The following TET1 variants were observed in gnomAD, a reference collection of about 807,000 sequenced individuals.
The protein encoded by TET1 is methylcytosine dioxygenase TET1.
In TET1, 13 loss-of-function variants were observed where a neutral mutation model predicts 148.7. The observed-to-expected ratio is 0.09, with a 90% CI of 0.06 to 0.14. The LOEUF (loss-of-function observed/expected upper bound fraction) is 0.14. Among genes scored for constraint, TET1 ranks in the 10% least tolerant of loss-of-function variants. TET1 has a pLI of 1.00. For missense variants in TET1, 2,182 were observed against 2,553.8 expected, an observed-to-expected ratio of 0.85 and a Z score of 3.14; for synonymous variants, 907 against 937.2, an observed-to-expected ratio of 0.97 and a Z score of 0.59.
intron 7 of TET1, among the ~76,000 whole-genome samples, chr10:68,669,560 T>C (rs369808154): frequency 6.7e-6 from 1 of 149,720 alleles, no homozygotes; most frequent in Admixed American, 6.8e-5. Context: ...TTCACCATGT[T>C]AGCCAGGATG....
chr10:68,597,030 A>ATTTTT lies in TET1; in HGVS notation c.1915-3934_1915-3930dup, dbSNP rs553591899. On this transcript the variant is annotated intron_variant, in intron 2 of 11. Transcript: ENST00000373644. ...ATTTTCATGATCACACAGCTAATGGATTTTTTTTTTTTTTTTTTTTTGAGA... is the reference window on the plus strand; with the variant it reads ...ATTTTCATGATCACACAGCTAATGGATTTTTTTTTTTTTTTTTTTTTTTTTTGAGA... 4.4e-4 allele frequency among the ~76,000 whole-genome samples: 44 copies of ATTTTT among 98,882 alleles called. 3 individuals carry two copies. The highest frequency in any genetic ancestry group is 1.0e-3 in the African/African-American group (23 of 22,576). 64.9% of individuals were successfully genotyped at this position (98,882 alleles called of 152,430 possible).
At chr10:68,675,500 C>A (rs959959566) in intron 8 of TET1, among the ~76,000 whole-genome samples, 1 of 151,780 alleles carries the variant, frequency 6.6e-6, no homozygotes, top group African/African-American at 2.4e-5. Context: ...AAATGGATAG[C>A]TCATTTTAAG....
intron 3 of TET1, among the ~76,000 whole-genome samples, chr10:68,612,476 C>T (rs1346312160): frequency 2.6e-5 from 4 of 152,114 alleles, no homozygotes; most frequent in Non-Finnish European, 4.4e-5. Flanking sequence ...GGAGAATCCA[C>T]TGATCCCCGG....
Position 68,685,850 on chromosome 10 carries a change from TA to T in TET1, c.5053-497del, listed in dbSNP as rs569967860. Among the ~76,000 whole-genome samples, 507 of 152,006 alleles carry T rather than the reference TA, an allele frequency of 3.3e-3. 7 individuals are homozygous for T. The highest frequency in any genetic ancestry group is 0.011 in the African/African-American group (452 of 41,510). On this transcript the variant is annotated intron_variant, in intron 10 of 11. Coordinates refer to ENST00000373644, the MANE Select transcript of TET1 (RefSeq NM_030625.3). ...AAGAGAATATTTATCAATATAAAAT[TA>T]AAAAAAAATTTTTTTTAACTGTTAG...
At chr10:68,580,075 C>T (rs1005668651) in intron 2 of TET1, among the ~76,000 whole-genome samples, 1 of 151,610 alleles carries the variant, frequency 6.6e-6, no homozygotes, top group African/African-American at 2.4e-5. Flanking sequence ...ATTACAGGTG[C>T]ACACCACCAC....
At chr10:68,567,063 C>G (rs979397397) in intron 1 of TET1, among the ~76,000 whole-genome samples, 2 of 152,112 alleles carry the variant, frequency 1.3e-5, no homozygotes, top group Admixed American at 6.6e-5. Context: ...GAACTGAAAA[C>G]TGAACCCAGG....
At chr10:68,665,208 G>A (rs534060557) in intron 6 of TET1, among the ~76,000 whole-genome samples, 50 of 152,090 alleles carry the variant, frequency 3.3e-4, no homozygotes, top group African/African-American at 1.2e-3. Context: ...TATAATTCAA[G>A]TTGATCAATG....
intron 7 of TET1, among the ~76,000 whole-genome samples, chr10:68,669,150 A>C (rs1294473450): frequency 6.6e-6 from 1 of 152,094 alleles, no homozygotes; most frequent in Non-Finnish European, 1.5e-5. Flanking sequence ...AAAGCTGAGG[A>C]GGGAGGATGG....
At chr10:68,595,612 C>CTTGTTTTTTTTTTTTTTTTTTT (rs1554932701) in intron 2 of TET1, among the ~76,000 whole-genome samples, 1 of 76,516 alleles carries the variant, frequency 1.3e-5, no homozygotes, top group Non-Finnish European at 2.5e-5. Context: ...CACACAGCTT[C>CTTGTTTTTTTTTTTTTTTTTTT]TTTTTTTTTT....
In TET1 at chr10:68,692,428, T is replaced by G. The variant is rs1476597051; in HGVS notation, c.*614T>G. ...CTGTTCATAAATTGTAAATATATAT[T>G]TTAAAAGCACTTTCTATTTTTAAAA... is the stretch of plus-strand genomic sequence containing the variant. On this transcript the variant is annotated 3_prime_UTR_variant, in exon 12 of 12. Coordinates refer to ENST00000373644, the MANE Select transcript of TET1 (RefSeq NM_030625.3). 8.6e-6 allele frequency: 2 copies of G among 231,942 alleles called. No individual in the cohort carries two copies. Among genetic ancestry groups the G allele is most frequent in the Non-Finnish European group, 1.7e-5 (2 of 117,100 alleles). 14.4% of individuals were successfully genotyped at this position (231,942 alleles called of 1,614,324 possible).
chr10:68,652,683 T>G, intron 6 of TET1, 89 bp downstream of exon 6: 1 of 891,594 alleles, frequency 1.1e-6, no homozygotes, highest in South Asian at 1.9e-5. Context: ...TGATCTTTAT[T>G]TTATTTATTC....
chr10:68,573,133 C>T lies in TET1; in HGVS notation c.795C>T (p.Asn265=). 6.2e-7 allele frequency: 1 copy of T among 1,614,114 alleles called. No individual in the cohort carries two copies. Among genetic ancestry groups the T allele is most frequent in the Non-Finnish European group, 8.5e-7 (1 of 1,180,018 alleles). ...RATPKVTSQG[N]PSIQLEELGS... ...CCCCCAAAGTTACCTCTCAAGGAAA[C>T]CCCAGCATTCAGTTAGAAGAGTTGG... Residue 265 remains asparagine (N), a synonymous_variant, in exon 2 of 12, where the codon AAC becomes AAT. Transcript: ENST00000373644.
intron 3 of TET1, among the ~76,000 whole-genome samples, chr10:68,605,439 G>A (rs920767066): frequency 6.6e-6 from 1 of 152,148 alleles, no homozygotes; most frequent in Non-Finnish European, 1.5e-5. Context: ...AAAAATTGCC[G>A]AGATGATGAA....
chr10:68,691,740 A>T lies in TET1; in HGVS notation c.6337A>T (p.Thr2113Ser), dbSNP rs777880733. The T allele has an allele frequency of 6.2e-7, 1 of 1,613,856 alleles. No homozygotes were observed. The highest frequency in any genetic ancestry group is 8.5e-7 in the Non-Finnish European group (1 of 1,180,024). ...TCCTTCTCATAAAGCATTAACATTA[A>T]CCCATGACAATGTTGTCACCGTGTC... ...QIPSHKALTL[T>S]HDNVVTVSPY... Residue 2113 changes from threonine to serine, a missense_variant, in exon 12 of 12, where the codon ACC becomes TCC. Around this residue, in one of 11 missense-constraint regions of TET1, gnomAD observed 20 missense variants for 42.3 expected, o/e 0.47. Coordinates refer to ENST00000373644, the MANE Select transcript of TET1 (RefSeq NM_030625.3). This position sits in a 1 kb window ranked among gnomAD's most constrained non-coding sequence, Gnocchi z 4.4.
chr10:68,674,446 T>C (rs906570565), intron 8 of TET1: 13 of 379,520 alleles, frequency 3.4e-5, no homozygotes, highest in African/African-American at 2.5e-4. Context: ...ATAAGAAATA[T>C]TGGGAAGACA....
intron 1 of TET1, among the ~76,000 whole-genome samples, chr10:68,568,231 T>C (rs570364142): frequency 2.6e-4 from 38 of 146,710 alleles, no homozygotes; most frequent in African/African-American, 8.4e-4. Flanking sequence ...TTTTTTTTTT[T>C]TTTTTTTTGA....
At chr10:68,683,085 T>A in intron 10 of TET1, 112 bp downstream of exon 10, 1 of 1,287,138 alleles carries the variant, frequency 7.8e-7, no homozygotes, top group Non-Finnish European at 1.1e-6. Flanking sequence ...ATTTATGTGT[T>A]ATTAGAAATA....
intron 2 of TET1, among the ~76,000 whole-genome samples, chr10:68,594,324 TGA>T (rs2053953982): frequency 6.6e-6 from 1 of 152,180 alleles, no homozygotes; most frequent in African/African-American, 2.4e-5. Context: ...TTGAGAAATT[TGA>T]GAGAGGCAAT....
rs1026965972 is a variant in TET1 at position 68,674,985 on chromosome 10, T to A, written c.4824+1940T>A. On this transcript the variant is annotated intron_variant, in intron 8 of 11. Transcript: ENST00000373644. ...AATGCTGAAGAAGCCTAGCTTTGAA[T>A]TGGGGAAACTCATGGAGCTTTATGG... 3 of 392,556 alleles carry A rather than the reference T, an allele frequency of 7.6e-6. No individual in the cohort carries two copies. In the Admixed American group the frequency reaches 1.1e-4, roughly 14 times the overall value. 24.3% of individuals were successfully genotyped at this position (392,556 alleles called of 1,614,324 possible).
Sources: gnomAD v4.1 joint callset for allele counts (sites outside exome capture counted in the v4.1 genomes callset) on GRCh38, gnomAD v4.1.1 for gene constraint, gnomAD v4.1.1 regional missense constraint, Gnocchi (gnomAD v3.1) non-coding constraint, MANE v1.5 for transcripts, NCBI Gene and HGNC (gene_info 2026-07-23, HGNC 2026-07-21) for gene names.